TBC1D15: variants seen among roughly 807,000 people sequenced by gnomAD.
The protein encoded by TBC1D15 is GAP for RAB7.
In TBC1D15, 39 loss-of-function variants were observed where a neutral mutation model predicts 95.4. The observed-to-expected ratio is 0.41, with a 90% CI of 0.32 to 0.53. TBC1D15 has a LOEUF of 0.53. Among genes scored for constraint, TBC1D15 ranks in the 20% least tolerant of loss-of-function variants. The probability of loss-of-function intolerance (pLI) is 0.29; values close to 1 mark genes in which losing one functional copy is unlikely to be tolerated. For missense variants in TBC1D15, 733 were observed against 794.3 expected (o/e 0.92, Z 0.93); for synonymous variants, 258 against 261.3 (o/e 0.99, Z 0.12).
chr12:71,923,056 G>T lies in TBC1D15; in HGVS notation c.1877G>T (p.Gly626Val). 1 of 1,614,190 alleles carries T rather than the reference G, an allele frequency of 6.2e-7. No individual in the cohort carries two copies. The highest frequency in any genetic ancestry group is 8.5e-7 in the Non-Finnish European group (1 of 1,180,032). ...SEVTTPDSDV[G>V]EDENVVMTPC... ...GTTACAACACCAGATTCAGACGTTG[G>T]TGAAGACGAAAATGTTGTCATGACT... is the stretch of plus-strand genomic sequence containing the variant. Residue 626 changes from glycine to valine, a missense_variant, in exon 17 of 17, where the codon GGT becomes GTT. Coordinates refer to ENST00000485960, the MANE Select transcript of TBC1D15 (RefSeq NM_001146213.3).
At chr12:71,902,912 T>C (rs984267403) in intron 10 of TBC1D15, among the ~76,000 whole-genome samples, 11 of 150,408 alleles carry the variant, frequency 7.3e-5, no homozygotes, top group African/African-American at 7.4e-5. Context: ...GCAAAGGACA[T>C]GAGCAGACTT....
chr12:71,854,222 T>C (rs1318070208), intron 1 of TBC1D15, among the ~76,000 whole-genome samples: 1 of 152,222 alleles, frequency 6.6e-6, no homozygotes, highest in Non-Finnish European at 1.5e-5. Context: ...CTGGGGAGTA[T>C]CATGAAAACT....
chr12:71,920,712 G>C lies in TBC1D15; in HGVS notation c.1600-19G>C. Reference sequence around the variant, plus strand: ...TAGAATTGATACAATTTGCAAAATAGTTCTTCTGCCTTCTATAGGTAATGT... The same window carrying C: ...TAGAATTGATACAATTTGCAAAATACTTCTTCTGCCTTCTATAGGTAATGT... On this transcript the variant is annotated intron_variant, in intron 14 of 16. Transcript: ENST00000485960. 6.4e-7 allele frequency: 1 copy of C among 1,574,200 alleles called. No homozygotes were observed. Among genetic ancestry groups the C allele is most frequent in the Non-Finnish European group, 8.7e-7 (1 of 1,145,922 alleles).
At chr12:71,904,096 C>G (rs986202842) in intron 10 of TBC1D15, among the ~76,000 whole-genome samples, 1 of 151,926 alleles carries the variant, frequency 6.6e-6, no homozygotes, top group African/African-American at 2.4e-5. Context: ...CTTTAATTTA[C>G]AAGTAGGAAA....
chr12:71,887,082 C>T (rs1018938173), intron 5 of TBC1D15, among the ~76,000 whole-genome samples: 1 of 152,104 alleles, frequency 6.6e-6, no homozygotes, highest in Non-Finnish European at 1.5e-5. Flanking sequence ...AGATAGCAAA[C>T]TACTGATTGA....
chr12:71,902,252 A>G (rs1276848670), intron 10 of TBC1D15, among the ~76,000 whole-genome samples: 1 of 152,254 alleles, frequency 6.6e-6, no homozygotes, highest in Non-Finnish European at 1.5e-5. Flanking sequence ...CAACCAAAAA[A>G]GAGCCCAAAT....
chr12:71,888,598 C>T (rs537216443), intron 5 of TBC1D15, among the ~76,000 whole-genome samples: 21 of 152,204 alleles, frequency 1.4e-4, no homozygotes, highest in African/African-American at 5.1e-4. Flanking sequence ...TTCTTGACAC[C>T]TACAGGCTTT....
chr12:71,897,873 A>G lies in TBC1D15; in HGVS notation c.1115A>G (p.Gln372Arg). ...KTDEYFRMKL[Q>R]WKSISQEQEK... ...GATGAATACTTCAGAATGAAACTGC[A>G]GTGGAAATCCATCAGCCAGGAACAA... is the stretch of plus-strand genomic sequence containing the variant. Residue 372 changes from glutamine (Q) to arginine (R), a missense_variant, in exon 10 of 17, where the codon CAG becomes CGG. Physicochemically the swap from Gln to Arg is conservative, Grantham distance 43. Coordinates refer to ENST00000485960, the MANE Select transcript of TBC1D15 (RefSeq NM_001146213.3). 1.2e-6 allele frequency: 2 copies of G among 1,612,718 alleles called. No homozygotes were observed. Among genetic ancestry groups the G allele is most frequent in the Non-Finnish European group, 1.7e-6 (2 of 1,179,060 alleles).
chr12:71,913,510 C>T (rs1400613071), intron 11 of TBC1D15: 4 of 229,526 alleles, frequency 1.7e-5, no homozygotes, highest in Non-Finnish European at 3.3e-5. Context: ...CTCTTCACCC[C>T]TCTTCTTTCT....
intron 3 of TBC1D15, 135 bp from the exon 4 acceptor site, chr12:71,880,334 A>G: frequency 5.3e-6 from 3 of 568,252 alleles, no homozygotes; most frequent in Non-Finnish European, 8.6e-6. Flanking sequence ...AGAGAAAAGT[A>G]TAGGAAATGG....
chr12:71,858,216 G>A (rs940351971), intron 1 of TBC1D15, among the ~76,000 whole-genome samples: 5 of 151,990 alleles, frequency 3.3e-5, no homozygotes, highest in African/African-American at 1.2e-4. Context: ...GGAATTACTG[G>A]CATGTACCAC....
At chr12:71,917,493 T>A (rs80099872) in intron 12 of TBC1D15, among the ~76,000 whole-genome samples, 4,760 of 152,250 alleles carry the variant, frequency 0.031, 255 homozygotes, top group African/African-American at 0.11. Flanking sequence ...GAAAAAATAA[T>A]CCTTAGTTTT....
intron 11 of TBC1D15, among the ~76,000 whole-genome samples, chr12:71,910,991 A>G (rs1045261311): frequency 4.9e-4 from 74 of 152,232 alleles, no homozygotes; most frequent in African/African-American, 1.6e-3. Flanking sequence ...TCAAAAGAAG[A>G]CATTTATGCA....
chr12:71,916,839 C>G (rs142875507), intron 12 of TBC1D15, among the ~76,000 whole-genome samples: 4 of 152,114 alleles, frequency 2.6e-5, no homozygotes, highest in African/African-American at 9.7e-5. Flanking sequence ...AGTTCCCAAA[C>G]TTTGTGACCT....
At chr12:71,858,299 C>T (rs373317634) in intron 1 of TBC1D15, among the ~76,000 whole-genome samples, 3 of 151,578 alleles carry the variant, frequency 2.0e-5, no homozygotes, top group Admixed American at 6.6e-5. Flanking sequence ...CTGGAACTCC[C>T]GACCTCAAGT....
At chr12:71,875,021 C>T (rs1893493756) in intron 3 of TBC1D15, among the ~76,000 whole-genome samples, 2 of 151,492 alleles carry the variant, frequency 1.3e-5, no homozygotes, top group Non-Finnish European at 2.9e-5. Context: ...CTCACTGCAA[C>T]CTCCGCCTCC....
intron 10 of TBC1D15, among the ~76,000 whole-genome samples, chr12:71,905,983 A>G (rs76826709): frequency 0.089 from 13,572 of 151,878 alleles, 687 homozygotes; most frequent in East Asian, 0.16. Context: ...AGCGATTTTC[A>G]TGCCTCAGCC....
At chr12:71,880,337 G>T in intron 3 of TBC1D15, 132 bp from the exon 4 acceptor site, 1 of 624,848 alleles carries the variant, frequency 1.6e-6, no homozygotes, top group Non-Finnish European at 2.6e-6. Flanking sequence ...GAAAAGTATA[G>T]GAAATGGTGT....
At chr12:71,857,521 A>G (rs560802667) in intron 1 of TBC1D15, among the ~76,000 whole-genome samples, 2 of 152,320 alleles carry the variant, frequency 1.3e-5, no homozygotes, top group South Asian at 2.1e-4. Flanking sequence ...AAATATCTTC[A>G]TTATATATTA....
Sources: gnomAD v4.1 joint callset for allele counts (sites outside exome capture counted in the v4.1 genomes callset) on GRCh38, gnomAD v4.1.1 for gene constraint, MANE v1.5 for transcripts, NCBI Gene and HGNC (gene_info 2026-07-23, HGNC 2026-07-21) for gene names.